Variants in CHST11 observed in about 807,000 individuals in gnomAD.
CHST11 encodes the protein carbohydrate sulfotransferase 11, also known as C4S-1.
Under a neutral mutation model 30.4 loss-of-function variants are expected in CHST11, and 9 were observed. The ratio of observed to expected loss-of-function variants is 0.30; its 90% CI spans 0.18 to 0.52. The LOEUF is 0.52. Among genes scored for constraint, CHST11 ranks in the 20% least tolerant of loss-of-function variants. The probability of loss-of-function intolerance (pLI) is 0.97; values close to 1 mark genes in which losing one functional copy is unlikely to be tolerated. For missense variants in CHST11, 348 were observed against 460.6 expected (o/e 0.76, Z 2.24); for synonymous variants, 152 against 187.8 (o/e 0.81, Z 1.56).
At chr12:104,752,613 C>T (rs969279689) in intron 2 of CHST11, among the ~76,000 whole-genome samples, 11 of 152,184 alleles carry the variant, frequency 7.2e-5, no homozygotes, top group African/African-American at 1.7e-4. Context: ...TTGCAACCTC[C>T]GCCTCCTGAG....
At chr12:104,642,976 C>T (rs2039391910) in intron 2 of CHST11, among the ~76,000 whole-genome samples, 1 of 151,984 alleles carries the variant, frequency 6.6e-6, no homozygotes, top group Non-Finnish European at 1.5e-5. Context: ...CATTGTCATA[C>T]CAATTAGATG....
intron 1 of CHST11, among the ~76,000 whole-genome samples, chr12:104,575,777 T>C (rs886522675): frequency 4.6e-5 from 7 of 152,084 alleles, no homozygotes; most frequent in Admixed American, 3.3e-4. Flanking sequence ...TGGAGGCCAC[T>C]GCTTCGTCAG....
chr12:104,664,220 C>T (rs934470099), intron 2 of CHST11, among the ~76,000 whole-genome samples: 1 of 152,152 alleles, frequency 6.6e-6, no homozygotes, highest in Admixed American at 6.5e-5. Flanking sequence ...AATTTTAGAG[C>T]TGAGGGTGAA....
intron 2 of CHST11, among the ~76,000 whole-genome samples, chr12:104,677,153 C>T (rs1430366190): frequency 6.6e-6 from 1 of 152,172 alleles, no homozygotes; most frequent in Admixed American, 6.5e-5. Context: ...CTAATTGGCT[C>T]TCAAAAATGG....
At chr12:104,727,235 G>A (rs1332673215) in intron 2 of CHST11, among the ~76,000 whole-genome samples, 5 of 152,146 alleles carry the variant, frequency 3.3e-5, no homozygotes, top group Admixed American at 1.3e-4. Context: ...TAAATTTTGT[G>A]TTGCACCCCT....
intron 1 of CHST11, among the ~76,000 whole-genome samples, chr12:104,548,385 G>A (rs1565983011): frequency 6.6e-6 from 1 of 152,172 alleles, no homozygotes; most frequent in South Asian, 2.1e-4. Context: ...CTGATTTCAC[G>A]CTACCAGTGT....
chr12:104,519,337 A>G (rs2038055492), intron 1 of CHST11, among the ~76,000 whole-genome samples: 1 of 152,182 alleles, frequency 6.6e-6, no homozygotes, highest in African/African-American at 2.4e-5. Flanking sequence ...TGCTAGTTTA[A>G]TGACAGCAGT....
chr12:104,632,638 C>G (rs543580152), intron 2 of CHST11, among the ~76,000 whole-genome samples: 2 of 152,230 alleles, frequency 1.3e-5, no homozygotes, highest in Non-Finnish European at 2.9e-5. Context: ...TCCATCCGCT[C>G]AAACGGGTTT....
At chr12:104,708,873 G>A (rs2136118934) in intron 2 of CHST11, among the ~76,000 whole-genome samples, 1 of 152,332 alleles carries the variant, frequency 6.6e-6, no homozygotes, top group South Asian at 2.1e-4. Context: ...GCCCCAGTGA[G>A]CATCGGTTGA....
At chr12:104,731,152 C>G (rs756335484) in intron 2 of CHST11, among the ~76,000 whole-genome samples, 3 of 152,150 alleles carry the variant, frequency 2.0e-5, no homozygotes, top group Non-Finnish European at 4.4e-5. Flanking sequence ...CCAGAGAACC[C>G]AAATTGACCA....
chr12:104,738,786 G>A (rs1370574178), intron 2 of CHST11, among the ~76,000 whole-genome samples: 1 of 152,256 alleles, frequency 6.6e-6, no homozygotes, highest in Non-Finnish European at 1.5e-5. Flanking sequence ...CACTCCAGCT[G>A]CCACACTGCA....
At chr12:104,529,613 T>C (rs1373444937) in intron 1 of CHST11, among the ~76,000 whole-genome samples, 1 of 152,202 alleles carries the variant, frequency 6.6e-6, no homozygotes, top group African/African-American at 2.4e-5. Flanking sequence ...TAGCTTGTTG[T>C]TTTGCCATCT....
chr12:104,733,373 T>C (rs1592864575), intron 2 of CHST11, among the ~76,000 whole-genome samples: 1 of 152,308 alleles, frequency 6.6e-6, no homozygotes, highest in Non-Finnish European at 1.5e-5. Flanking sequence ...GCAGTAACAC[T>C]GACTGTGGGT....
At chr12:104,506,418 G>T (rs1433679553) in intron 1 of CHST11, among the ~76,000 whole-genome samples, 1 of 152,188 alleles carries the variant, frequency 6.6e-6, no homozygotes, top group Non-Finnish European at 1.5e-5. Context: ...TGAGGCAGAG[G>T]TGAGATGATG....
intron 1 of CHST11, among the ~76,000 whole-genome samples, chr12:104,538,054 A>G (rs1009600214): frequency 6.6e-6 from 1 of 152,214 alleles, no homozygotes; most frequent in Non-Finnish European, 1.5e-5. Context: ...TTGATACATT[A>G]TTATTAACTG....
At chr12:104,460,843 A>G (rs2037401468) in intron 1 of CHST11, among the ~76,000 whole-genome samples, 1 of 152,118 alleles carries the variant, frequency 6.6e-6, no homozygotes, top group Non-Finnish European at 1.5e-5. Flanking sequence ...TGTCAGTAGG[A>G]TAGTTACATT....
intron 2 of CHST11, among the ~76,000 whole-genome samples, chr12:104,696,779 A>G (rs1258075349): frequency 1.3e-5 from 2 of 152,176 alleles, no homozygotes; most frequent in Non-Finnish European, 2.9e-5. Flanking sequence ...TACAATATAA[A>G]TTCCAGTGTT....
At chr12:104,734,402 A>G (rs2040282101) in intron 2 of CHST11, among the ~76,000 whole-genome samples, 1 of 152,174 alleles carries the variant, frequency 6.6e-6, no homozygotes, top group South Asian at 2.1e-4. Flanking sequence ...AATGTCATTC[A>G]TTTAAATCTC....
At chr12:104,706,629 T>C (rs2040038564) in intron 2 of CHST11, among the ~76,000 whole-genome samples, 1 of 152,098 alleles carries the variant, frequency 6.6e-6, no homozygotes, top group Non-Finnish European at 1.5e-5. Flanking sequence ...TTGAATGACT[T>C]TGGGGGCAAG....
Sources: allele counts gnomAD v4.1 joint callset (sites outside exome capture counted in the v4.1 genomes callset), GRCh38; gene constraint gnomAD v4.1.1; transcripts MANE v1.5; gene names NCBI Gene and HGNC (gene_info 2026-07-23, HGNC 2026-07-21).